CXCL13: variants seen among roughly 807,000 people sequenced by gnomAD.
CXCL13 encodes the protein C-X-C motif chemokine ligand 13, also known as C-X-C motif chemokine 13.
In CXCL13, 7 loss-of-function variants were observed where a neutral mutation model predicts 12.2. The ratio of observed to expected loss-of-function variants is 0.57; its 90% CI spans 0.33 to 1.07. CXCL13 has a LOEUF of 1.07. Among genes scored for constraint, CXCL13 ranks in the 50% least tolerant of loss-of-function variants. The pLI is 0.04. For missense variants in CXCL13, 113 were observed against 127.4 expected (o/e 0.89, Z 0.55); for synonymous variants, 47 against 42.4 (o/e 1.11, Z -0.42).
At chr4:77,595,384 G>T (rs1039451460) in intron 1 of CXCL13, among the ~76,000 whole-genome samples, 1 of 152,080 alleles carries the variant, frequency 6.6e-6, no homozygotes, top group Non-Finnish European at 1.5e-5. Flanking sequence ...CTAAAATTTC[G>T]GTACCACAGA....
chr4:77,555,970 G>T (rs1725647418), intron 1 of CXCL13, among the ~76,000 whole-genome samples: 1 of 152,182 alleles, frequency 6.6e-6, no homozygotes. Flanking sequence ...CATGGGTGAG[G>T]TTATGGAGCC....
At chr4:77,547,556 C>T (rs1725397691) in intron 1 of CXCL13, among the ~76,000 whole-genome samples, 1 of 151,922 alleles carries the variant, frequency 6.6e-6, no homozygotes, top group African/African-American at 2.4e-5. Flanking sequence ...GATTGCAACC[C>T]CTGCTTTTTT....
At chr4:77,557,826 A>G (rs1261054426) in intron 1 of CXCL13, among the ~76,000 whole-genome samples, 1 of 152,218 alleles carries the variant, frequency 6.6e-6, no homozygotes, top group African/African-American at 2.4e-5. Flanking sequence ...ACAGATGGCT[A>G]GTGGGCTTTC....
intron 1 of CXCL13, among the ~76,000 whole-genome samples, chr4:77,551,204 G>C (rs767090838): frequency 6.6e-6 from 1 of 152,148 alleles, no homozygotes; most frequent in South Asian, 2.1e-4. Context: ...TTGTGTGGTT[G>C]GTTTATAGGT....
chr4:77,544,179 C>T (rs973546383), intron 1 of CXCL13, among the ~76,000 whole-genome samples: 2 of 152,146 alleles, frequency 1.3e-5, no homozygotes, highest in Non-Finnish European at 2.9e-5. Context: ...CAAGTCTTTG[C>T]TATTGGGAAT....
At chr4:77,525,615 C>CTT (rs541515249) in intron 1 of CXCL13, among the ~76,000 whole-genome samples, 2 of 147,676 alleles carry the variant, frequency 1.4e-5, no homozygotes, top group African/African-American at 5.0e-5. Flanking sequence ...ACAGTTGAGT[C>CTT]TTTTTTTTTT....
chr4:77,534,863 T>A (rs1725022069), intron 1 of CXCL13, among the ~76,000 whole-genome samples: 1 of 152,232 alleles, frequency 6.6e-6, no homozygotes, highest in African/African-American at 2.4e-5. Flanking sequence ...TACACATTTG[T>A]GGAACCTTTG....
At chr4:77,554,671 A>G (rs1198218010) in intron 1 of CXCL13, among the ~76,000 whole-genome samples, 1 of 152,146 alleles carries the variant, frequency 6.6e-6, no homozygotes, top group East Asian at 1.9e-4. Flanking sequence ...TGCACATGGA[A>G]CACTCATCAA....
rs374973127 is a variant in CXCL13 at position 77,611,053 on chromosome 4, A to G, written c.*14A>G. 111 of 1,599,452 alleles carry G rather than the reference A, an allele frequency of 6.9e-5. No homozygotes were observed. Among genetic ancestry groups the G allele is most frequent in the Non-Finnish European group, 8.8e-5 (103 of 1,170,216 alleles). On this transcript the variant is annotated 3_prime_UTR_variant, in exon 4 of 4. Coordinates refer to ENST00000682537, the MANE Select transcript of CXCL13 (RefSeq NM_001371558.1). ...AAGATTCCCTGATGCTGATATTTCC[A>G]CTAAGAACACCTGCATTCTTCCCTT...
At chr4:77,539,875 TC>T (rs1234184834) in intron 1 of CXCL13, among the ~76,000 whole-genome samples, 1 of 152,038 alleles carries the variant, frequency 6.6e-6, no homozygotes, top group Non-Finnish European at 1.5e-5. Flanking sequence ...AGGGGGGGAA[TC>T]CCTATCCTGC....
chr4:77,559,936 A>AAC, intron 1 of CXCL13, among the ~76,000 whole-genome samples: 1 of 151,464 alleles, frequency 6.6e-6, no homozygotes, highest in South Asian at 2.1e-4. Flanking sequence ...AAAAAAAAAA[A>AAC]AAAACCTGAC....
chr4:77,558,895 T>C (rs1195716973), intron 1 of CXCL13, among the ~76,000 whole-genome samples: 1 of 152,250 alleles, frequency 6.6e-6, no homozygotes, highest in Non-Finnish European at 1.5e-5. Flanking sequence ...AGCTTCTTCT[T>C]ATGCTACTAA....
chr4:77,515,543 C>T (rs1460223780), intron 1 of CXCL13, among the ~76,000 whole-genome samples: 1 of 152,062 alleles, frequency 6.6e-6, no homozygotes, highest in African/African-American at 2.4e-5. Context: ...AGGTGGATTC[C>T]TAGGTATTTT....
intron 1 of CXCL13, among the ~76,000 whole-genome samples, chr4:77,577,949 T>C (rs1726233819): frequency 6.6e-6 from 1 of 152,114 alleles, no homozygotes; most frequent in Non-Finnish European, 1.5e-5. Flanking sequence ...ACTTCACTGA[T>C]AGGTAATCAT....
At chr4:77,527,236 G>A (rs1343977261) in intron 1 of CXCL13, among the ~76,000 whole-genome samples, 2 of 152,108 alleles carry the variant, frequency 1.3e-5, no homozygotes, top group Admixed American at 1.3e-4. Flanking sequence ...AAAAAATGCT[G>A]ATGACACTAA....
chr4:77,575,147 G>T (rs979970387), intron 1 of CXCL13, among the ~76,000 whole-genome samples: 1 of 151,780 alleles, frequency 6.6e-6, no homozygotes, highest in Non-Finnish European at 1.5e-5. Flanking sequence ...TACTCTTAAG[G>T]CACTAATCAG....
intron 1 of CXCL13, among the ~76,000 whole-genome samples, chr4:77,533,775 A>T (rs991118234): frequency 2.0e-5 from 3 of 152,024 alleles, no homozygotes; most frequent in Non-Finnish European, 4.4e-5. Flanking sequence ...TTGCAGTTTG[A>T]TCTCAGACTG....
At chr4:77,528,136 T>G (rs574547744) in intron 1 of CXCL13, among the ~76,000 whole-genome samples, 1 of 152,182 alleles carries the variant, frequency 6.6e-6, no homozygotes, top group Non-Finnish European at 1.5e-5. Context: ...TGCATAGTAT[T>G]CCATGGTGTA....
chr4:77,608,729 A>C (rs1727068009), intron 2 of CXCL13, among the ~76,000 whole-genome samples: 1 of 152,216 alleles, frequency 6.6e-6, no homozygotes. Flanking sequence ...TTTCACTAGA[A>C]AGGCATTTCA....
Sources: gnomAD v4.1 joint callset for allele counts (sites outside exome capture counted in the v4.1 genomes callset) on GRCh38, gnomAD v4.1.1 for gene constraint, MANE v1.5 for transcripts, NCBI Gene and HGNC (gene_info 2026-07-23, HGNC 2026-07-21) for gene names.